Variants in EPHA3 observed in about 807,000 individuals in gnomAD.
The protein encoded by EPHA3 is EPH receptor A3.
In EPHA3, 42 loss-of-function variants were observed where a neutral mutation model predicts 107.1. That is an observed-to-expected ratio of 0.39 (90% CI 0.31 to 0.51). The LOEUF is 0.51. EPHA3 is among the 20% of genes least tolerant of loss of function. The pLI, the probability that EPHA3 is intolerant of heterozygous loss-of-function variation, is 0.78. For missense variants in EPHA3, 1,183 were observed against 1,211.2 expected (o/e 0.98, Z 0.35); for synonymous variants, 461 against 424.8 (o/e 1.09, Z -1.05).
intron 3 of EPHA3, among the ~76,000 whole-genome samples, chr3:89,245,291 T>G (rs78318783): frequency 6.6e-6 from 1 of 152,186 alleles, no homozygotes; most frequent in Non-Finnish European, 1.5e-5. Flanking sequence ...TCCAGTTATA[T>G]AGTTATTTGA....
At chr3:89,367,381 G>T (rs1382479303) in intron 5 of EPHA3, among the ~76,000 whole-genome samples, 1 of 150,464 alleles carries the variant, frequency 6.6e-6, no homozygotes, top group Non-Finnish European at 1.5e-5. Flanking sequence ...GGCCTCCCGT[G>T]TACCCACATA....
chr3:89,481,465 T>C lies in EPHA3; in HGVS notation c.*1963T>C, dbSNP rs760694699. The C allele has an allele frequency of 1.3e-5, 3 of 232,258 alleles. No homozygotes were observed. Among genetic ancestry groups the C allele is most frequent in the Non-Finnish European group, 2.6e-5 (3 of 117,546 alleles). 14.4% of individuals were successfully genotyped at this position (232,258 alleles called of 1,614,324 possible). ...ATCAAGTATTTTGTGTTTGGAATGT[T>C]AGAATGAGATCTGAATGTGGTTTCA... On this transcript the variant is annotated 3_prime_UTR_variant, in exon 17 of 17. Transcript: ENST00000336596.
chr3:89,297,593 G>T (rs1706387166), intron 3 of EPHA3, among the ~76,000 whole-genome samples: 1 of 152,142 alleles, frequency 6.6e-6, no homozygotes, highest in Non-Finnish European at 1.5e-5. Context: ...ATAATATTGT[G>T]AGAATTACCA....
At chr3:89,206,674 T>A (rs1169099897) in intron 2 of EPHA3, among the ~76,000 whole-genome samples, 1 of 152,188 alleles carries the variant, frequency 6.6e-6, no homozygotes, top group Admixed American at 6.5e-5. Context: ...ATTCAACATA[T>A]ACATTCATTT....
intron 3 of EPHA3, among the ~76,000 whole-genome samples, chr3:89,338,142 T>A (rs937267228): frequency 6.6e-6 from 1 of 152,216 alleles, no homozygotes; most frequent in African/African-American, 2.4e-5. Flanking sequence ...ATCTCTAGCT[T>A]CACTGGTCTA....
chr3:89,369,394 T>A (rs1256262818), intron 5 of EPHA3, among the ~76,000 whole-genome samples: 4 of 150,610 alleles, frequency 2.7e-5, no homozygotes, highest in Non-Finnish European at 5.9e-5. Context: ...AAACAAGCAA[T>A]GGGGAAAGGA....
chr3:89,367,334 C>T (rs1708204423), intron 5 of EPHA3, among the ~76,000 whole-genome samples: 2 of 150,492 alleles, frequency 1.3e-5, no homozygotes, highest in Non-Finnish European at 3.0e-5. Context: ...GAGTCACTTC[C>T]TGCAGGATGT....
At chr3:89,182,710 C>T (rs1705470678) in intron 2 of EPHA3, among the ~76,000 whole-genome samples, 1 of 151,724 alleles carries the variant, frequency 6.6e-6, no homozygotes, top group South Asian at 2.1e-4. Context: ...TGGAAATAGT[C>T]TATGTATGTA....
At chr3:89,173,219 T>A (rs933770952) in intron 2 of EPHA3, among the ~76,000 whole-genome samples, 1 of 152,128 alleles carries the variant, frequency 6.6e-6, no homozygotes, top group African/African-American at 2.4e-5. Context: ...GACTATTGAA[T>A]CTAATTTGTA....
intron 15 of EPHA3, among the ~76,000 whole-genome samples, chr3:89,470,415 A>G (rs1290090432): frequency 1.3e-5 from 2 of 152,202 alleles, no homozygotes; most frequent in Admixed American, 6.5e-5. Flanking sequence ...AGAATAATGA[A>G]CAGCTAACAC....
At chr3:89,378,154 C>A (rs1178095780) in intron 5 of EPHA3, among the ~76,000 whole-genome samples, 1 of 151,914 alleles carries the variant, frequency 6.6e-6, no homozygotes, top group Non-Finnish European at 1.5e-5. Flanking sequence ...GGAGAAATAC[C>A]TAATATAGAT....
intron 2 of EPHA3, among the ~76,000 whole-genome samples, chr3:89,144,055 T>C (rs1704486159): frequency 6.6e-6 from 1 of 151,634 alleles, no homozygotes; most frequent in African/African-American, 2.4e-5. Context: ...TTTTTGAAAA[T>C]TGATGAACCA....
At chr3:89,281,686 G>A (rs1705951426) in intron 3 of EPHA3, among the ~76,000 whole-genome samples, 2 of 152,128 alleles carry the variant, frequency 1.3e-5, no homozygotes, top group Non-Finnish European at 2.9e-5. Flanking sequence ...TGGAGATACA[G>A]CTTTGTTCTA....
chr3:89,399,235 A>T, intron 6 of EPHA3, 83 bp from the exon 7 acceptor site: 2 of 1,183,430 alleles, frequency 1.7e-6, no homozygotes, highest in Non-Finnish European at 2.3e-6. Flanking sequence ...TAAAAGAATC[A>T]GGTTTGAGTG....
intron 3 of EPHA3, among the ~76,000 whole-genome samples, chr3:89,262,655 G>T (rs1468046852): frequency 6.6e-6 from 1 of 152,246 alleles, no homozygotes; most frequent in African/African-American, 2.4e-5. Flanking sequence ...CGTGACAGGG[G>T]TGCCTTGTTT....
chr3:89,430,971 T>C (rs1709554699), intron 12 of EPHA3, among the ~76,000 whole-genome samples, 179 bp from the exon 13 acceptor site: 1 of 152,174 alleles, frequency 6.6e-6, no homozygotes, highest in Non-Finnish European at 1.5e-5. Flanking sequence ...ACATAGCCAG[T>C]GTGTTATTTT....
chr3:89,391,773 T>A (rs1387574328), intron 5 of EPHA3, among the ~76,000 whole-genome samples: 1 of 152,098 alleles, frequency 6.6e-6, no homozygotes, highest in Non-Finnish European at 1.5e-5. Context: ...TAAAATATAA[T>A]CAATACCACT....
intron 2 of EPHA3, among the ~76,000 whole-genome samples, chr3:89,196,074 A>G (rs1473733515): frequency 6.6e-6 from 1 of 152,062 alleles, no homozygotes; most frequent in African/African-American, 2.4e-5. Flanking sequence ...CTCTGAGGAC[A>G]TACAAGATAC....
At chr3:89,399,655 T>C in intron 7 of EPHA3, 175 bp downstream of exon 7, 1 of 1,274,042 alleles carries the variant, frequency 7.8e-7, no homozygotes, top group Non-Finnish European at 9.9e-7. Flanking sequence ...TGTGTTTGTG[T>C]GGGTGTACAT....
Sources: allele counts gnomAD v4.1 joint callset (sites outside exome capture counted in the v4.1 genomes callset), GRCh38; gene constraint gnomAD v4.1.1; transcripts MANE v1.5; gene names NCBI Gene and HGNC (gene_info 2026-07-23, HGNC 2026-07-21).